The following GTF2F2 variants were observed in gnomAD, a reference collection of about 807,000 sequenced individuals.
GTF2F2 encodes general transcription factor IIF subunit 2.
GTF2F2 carries 23 observed loss-of-function variants against 42.2 expected under a neutral mutation model. That is an observed-to-expected ratio of 0.55 (90% CI 0.39 to 0.77). The LOEUF is 0.77. Ranked by LOEUF, GTF2F2 falls within the 30% of genes least tolerant of loss-of-function variation. GTF2F2 has a pLI of 0.00. For synonymous variants in GTF2F2, 105 were observed against 100.8 expected, an observed-to-expected ratio of 1.04 and a Z score of -0.25; for missense variants, 261 against 287.2, an observed-to-expected ratio of 0.91 and a Z score of 0.66.
chr13:45,203,365 G>A (rs1402968748), intron 4 of GTF2F2, among the ~76,000 whole-genome samples: 2 of 151,856 alleles, frequency 1.3e-5, no homozygotes, highest in African/African-American at 2.4e-5. Flanking sequence ...GATTACAGGC[G>A]TGAGCCACTG....
intron 4 of GTF2F2, among the ~76,000 whole-genome samples, chr13:45,195,867 A>G (rs894831512): frequency 1.3e-5 from 2 of 152,082 alleles, no homozygotes; most frequent in African/African-American, 4.8e-5. Flanking sequence ...TGTTGCCCAG[A>G]CGGGTCTCAA....
chr13:45,136,831 AT>A (rs760156399), intron 2 of GTF2F2, 25 bp downstream of exon 2: 8 of 1,329,426 alleles, frequency 6.0e-6, no homozygotes, highest in East Asian at 2.3e-5. Context: ...TATTCTTGAC[AT>A]TTTAAAAAGC....
intron 5 of GTF2F2, among the ~76,000 whole-genome samples, chr13:45,209,483 C>A (rs912619902): frequency 1.3e-5 from 2 of 152,166 alleles, no homozygotes; most frequent in Non-Finnish European, 2.9e-5. Flanking sequence ...TCAGGAGGAT[C>A]ATGTGAGTTT....
At chr13:45,120,786 C>T in intron 1 of GTF2F2, 65 bp downstream of exon 1, 1 of 1,197,250 alleles carries the variant, frequency 8.4e-7, no homozygotes, top group Non-Finnish European at 1.2e-6. Context: ...TAACTTGAGC[C>T]TATCCCGCTC....
At chr13:45,188,286 A>G (rs1566128202) in intron 4 of GTF2F2, among the ~76,000 whole-genome samples, 1 of 152,236 alleles carries the variant, frequency 6.6e-6, no homozygotes, top group South Asian at 2.1e-4. Flanking sequence ...CTAGAAAATA[A>G]AAGTCCCAAG....
intron 5 of GTF2F2, among the ~76,000 whole-genome samples, chr13:45,242,659 A>G (rs1875377527): frequency 6.6e-6 from 1 of 152,240 alleles, no homozygotes; most frequent in African/African-American, 2.4e-5. Flanking sequence ...TTGCTTAGAC[A>G]TGAAAATAGT....
At chr13:45,187,487 A>AT (rs1028394772) in intron 4 of GTF2F2, among the ~76,000 whole-genome samples, 1 of 152,154 alleles carries the variant, frequency 6.6e-6, no homozygotes, top group African/African-American at 2.4e-5. Context: ...ACCATTATGT[A>AT]TTTTTTAAGA....
At chr13:45,222,319 A>T (rs2138206078) in intron 5 of GTF2F2, among the ~76,000 whole-genome samples, 1 of 152,290 alleles carries the variant, frequency 6.6e-6, no homozygotes, top group Non-Finnish European at 1.5e-5. Context: ...TACATACAAT[A>T]CAAACAAAAT....
intron 6 of GTF2F2, among the ~76,000 whole-genome samples, chr13:45,253,502 T>C (rs560107559): frequency 2.0e-5 from 3 of 152,300 alleles, no homozygotes; most frequent in East Asian, 3.9e-4. Flanking sequence ...ATCTGTACAG[T>C]AGTACTCCCT....
chr13:45,235,232 A>T (rs923585508), intron 5 of GTF2F2, among the ~76,000 whole-genome samples: 6 of 152,030 alleles, frequency 3.9e-5, no homozygotes, highest in Non-Finnish European at 8.8e-5. Flanking sequence ...TTATTATATT[A>T]CCGGTAATTT....
At chr13:45,212,459 C>CTTTTCT (rs55758635) in intron 5 of GTF2F2, among the ~76,000 whole-genome samples, 12,316 of 79,132 alleles carry the variant, frequency 0.16, 1,435 homozygotes, top group East Asian at 0.24. Context: ...TTCTTTCTTT[C>CTTTTCT]TTTCTTTCTT....
intron 4 of GTF2F2, among the ~76,000 whole-genome samples, chr13:45,171,704 G>C (rs942805838): frequency 1.3e-5 from 2 of 152,032 alleles, no homozygotes; most frequent in South Asian, 4.1e-4. Flanking sequence ...ATCACCACAG[G>C]TTTAGATTTT....
chr13:45,274,193 G>C (rs554464767), intron 7 of GTF2F2, among the ~76,000 whole-genome samples: 3 of 151,922 alleles, frequency 2.0e-5, no homozygotes, highest in Non-Finnish European at 4.4e-5. Context: ...GCCAGCCACT[G>C]TTTATTGGAT....
rs1161559712 is a variant in GTF2F2 at position 45,206,273 on chromosome 13, C to G, written c.305-1151C>G. 3.3e-5 allele frequency: 5 copies of G among 152,072 alleles called. No homozygotes were observed. In the East Asian group the frequency reaches 9.6e-4, roughly 29 times the overall value. The allele number at this position is 152,072 out of a possible 1,614,324, so 9.4% of individuals were successfully genotyped here. The stretch of plus-strand genomic sequence containing the variant: ...CTAGATTTTGGAGACATCCAAAGAT[C>G]ACTAAAAAAAGATTTTTTAGTATAA... On this transcript the variant is annotated intron_variant, in intron 4 of 7. Coordinates refer to ENST00000340473, the MANE Select transcript of GTF2F2 (RefSeq NM_004128.3).
chr13:45,217,027 G>A (rs1327526756), intron 5 of GTF2F2, among the ~76,000 whole-genome samples: 1 of 151,646 alleles, frequency 6.6e-6, no homozygotes, highest in Non-Finnish European at 1.5e-5. Flanking sequence ...TGGGCCGGGC[G>A]CAGTGGCTCA....
At chr13:45,238,289 T>A (rs150403817) in intron 5 of GTF2F2, among the ~76,000 whole-genome samples, 1 of 152,280 alleles carries the variant, frequency 6.6e-6, no homozygotes, top group East Asian at 1.9e-4. Flanking sequence ...TCAAGTATTT[T>A]CTCATTCATC....
chr13:45,202,344 G>A (rs1162626553), intron 4 of GTF2F2, among the ~76,000 whole-genome samples: 2 of 151,958 alleles, frequency 1.3e-5, no homozygotes, highest in South Asian at 2.1e-4. Context: ...CCAAGATCGC[G>A]CCACTGCACT....
chr13:45,159,414 T>C (rs1870926025), intron 4 of GTF2F2, among the ~76,000 whole-genome samples: 1 of 152,206 alleles, frequency 6.6e-6, no homozygotes, highest in African/African-American at 2.4e-5. Flanking sequence ...TTTTTGAGAC[T>C]CAGTCTTACT....
At chr13:45,258,149 G>A (rs1339551830) in intron 6 of GTF2F2, among the ~76,000 whole-genome samples, 1 of 151,692 alleles carries the variant, frequency 6.6e-6, no homozygotes, top group Non-Finnish European at 1.5e-5. Context: ...GAAATTATCA[G>A]TATCATTTTA....
Sources: allele counts gnomAD v4.1 joint callset (sites outside exome capture counted in the v4.1 genomes callset), GRCh38; gene constraint gnomAD v4.1.1; transcripts MANE v1.5; gene names NCBI Gene and HGNC (gene_info 2026-07-23, HGNC 2026-07-21).